The following LDHB variants were observed in gnomAD, a reference collection of about 807,000 sequenced individuals.
The protein encoded by LDHB is L-lactate dehydrogenase B chain.
LDHB carries 18 observed loss-of-function variants against 33.4 expected under a neutral mutation model. The ratio of observed to expected loss-of-function variants is 0.54; its 90% CI spans 0.37 to 0.80. LDHB has a LOEUF of 0.80. Among genes scored for constraint, LDHB ranks in the 30% least tolerant of loss-of-function variants. The probability of loss-of-function intolerance (pLI) is 0.00; values close to 1 mark genes in which losing one functional copy is unlikely to be tolerated. For synonymous variants in LDHB, 121 were observed against 140.6 expected (o/e 0.86, Z 0.98); for missense variants, 345 against 407.9 (o/e 0.85, Z 1.33).
At chr12:21,650,864 AAAC>A (rs1030280526) in intron 2 of LDHB, among the ~76,000 whole-genome samples, 3 of 152,260 alleles carry the variant, frequency 2.0e-5, no homozygotes, top group African/African-American at 7.2e-5. Context: ...GGAATTAAAC[AAAC>A]AACAAATCAG....
intron 5 of LDHB, among the ~76,000 whole-genome samples, chr12:21,639,036 A>G (rs1235190774): frequency 1.3e-5 from 2 of 151,932 alleles, no homozygotes; most frequent in Non-Finnish European, 2.9e-5. Flanking sequence ...TTTCTTGGAG[A>G]CCTTTGGAGG....
At chr12:21,636,992 G>T in intron 7 of LDHB, 79 bp downstream of exon 7, 1 of 1,166,300 alleles carries the variant, frequency 8.6e-7, no homozygotes, top group Non-Finnish European at 1.3e-6. Flanking sequence ...ATTTTATCTG[G>T]TCTGAGCCTC....
At chr12:21,647,340 A>G (rs897275664) in intron 2 of LDHB, among the ~76,000 whole-genome samples, 1 of 152,188 alleles carries the variant, frequency 6.6e-6, no homozygotes, top group African/African-American at 2.4e-5. Flanking sequence ...CAATGTGTCC[A>G]TCCTTGAGGT....
intron 7 of LDHB, among the ~76,000 whole-genome samples, chr12:21,636,164 TGA>T (rs1205703289): frequency 6.6e-6 from 1 of 152,114 alleles, no homozygotes; most frequent in Non-Finnish European, 1.5e-5. Flanking sequence ...TTTTGATATA[TGA>T]GTCTTCAAAT....
Position 21,654,546 on chromosome 12 carries a change from T to G in LDHB, c.126A>C (p.Gly42=). 6.2e-7 allele frequency: 1 copy of G among 1,614,116 alleles called. No individual in the cohort carries two copies. The change falls in exon 2 of 8, where the codon GGA becomes GGC. Residue 42 remains glycine (G), a synonymous_variant. Transcript: ENST00000350669. ...VGMACAISIL[G]KSLADELALV... The stretch of plus-strand genomic sequence containing the variant: ...CTATGGTGTTCTTGAAATGTACCTT[T>G]CCCAGAATGCTGATAGCACACGCCA...
rs866910048 is a variant in LDHB at position 21,646,897 on chromosome 12, A to G, written c.247+2T>C. On this transcript the variant is annotated splice_donor_variant, in intron 3 of 7. Coordinates refer to ENST00000350669, the MANE Select transcript of LDHB (RefSeq NM_002300.8). LOFTEE classifies it high-confidence loss of function. ...ATCACTTTGGGCATTAAGTGAAATT[A>G]CCTTTATCTGCCACAATTTTAGGTG... is the stretch of plus-strand genomic sequence containing the variant. 6.4e-7 allele frequency: 1 copy of G among 1,569,740 alleles called. No homozygotes were observed.
chr12:21,656,673 G>A (rs1938854238), intron 1 of LDHB, among the ~76,000 whole-genome samples: 1 of 152,194 alleles, frequency 6.6e-6, no homozygotes. Context: ...AGATATTTCT[G>A]GAGAAAGTGC....
intron 2 of LDHB, among the ~76,000 whole-genome samples, chr12:21,652,966 C>T (rs1938736842): frequency 6.6e-6 from 1 of 152,136 alleles, no homozygotes; most frequent in South Asian, 2.1e-4. Flanking sequence ...AGGGGTTATT[C>T]AGGCAGCCTT....
intron 1 of LDHB, chr12:21,657,318 A>G (rs1938881385): frequency 6.6e-6 from 1 of 152,112 alleles, no homozygotes. Flanking sequence ...GCATTTCTCT[A>G]TTACCGTGGC....
At chr12:21,650,501 G>A (rs1327455195) in intron 2 of LDHB, among the ~76,000 whole-genome samples, 1 of 152,152 alleles carries the variant, frequency 6.6e-6, no homozygotes, top group East Asian at 1.9e-4. Flanking sequence ...GTTGACTGAA[G>A]CAAAGATAAA....
At chr12:21,655,569 C>G (rs1227830246) in intron 1 of LDHB, among the ~76,000 whole-genome samples, 2 of 152,156 alleles carry the variant, frequency 1.3e-5, no homozygotes, top group East Asian at 3.8e-4. Context: ...TATTCAAAGT[C>G]TGCAAAAATA....
intron 2 of LDHB, 41 bp from the exon 3 acceptor site, chr12:21,647,057 T>C (rs1938547090): frequency 3.4e-6 from 4 of 1,164,972 alleles, no homozygotes; most frequent in Non-Finnish European, 5.2e-6. Context: ...TAAGCCACTC[T>C]AGGATGCGTC....
intron 6 of LDHB, 151 bp from the exon 7 acceptor site, chr12:21,637,345 G>C: frequency 1.6e-6 from 1 of 629,710 alleles, no homozygotes. Context: ...AGTGTTAAAT[G>C]AATTAATATA....
chr12:21,641,956 T>G lies in LDHB; in HGVS notation c.591A>C (p.Ser197=), dbSNP rs763022253. Residue 197 remains serine (S), a synonymous_variant, in exon 5 of 8, where the codon TCA becomes TCC. Coordinates refer to ENST00000350669, the MANE Select transcript of LDHB (RefSeq NM_002300.8). ...HGWILGEHGD[S]SVAVWSGVNV... is the part of the protein sequence containing the mutation. ...ATTTCTTTTTTTTTTCTTTACCACT[T>G]GAGTCGCCATGTTCCCCCAAAATCC... 6.2e-7 allele frequency: 1 copy of G among 1,611,808 alleles called. No individual in the cohort carries two copies. Among genetic ancestry groups the G allele is most frequent in the Non-Finnish European group, 8.5e-7 (1 of 1,178,892 alleles).
chr12:21,646,882 G>T lies in LDHB; in HGVS notation c.247+17C>A. ...TGAAAAAAATATTAGATCACTTTGG[G>T]CATTAAGTGAAATTACCTTTATCTG... On this transcript the variant is annotated intron_variant, in intron 3 of 7. Transcript: ENST00000350669. 2 of 1,387,866 alleles carry T rather than the reference G, an allele frequency of 1.4e-6. No homozygotes were observed. Among genetic ancestry groups the T allele is most frequent in the Non-Finnish European group, 2.1e-6 (2 of 973,768 alleles). The allele number at this position is 1,387,866 out of a possible 1,614,324, so 86.0% of individuals were successfully genotyped here.
chr12:21,647,458 C>G (rs889598133), intron 2 of LDHB, among the ~76,000 whole-genome samples: 1 of 151,504 alleles, frequency 6.6e-6, no homozygotes, highest in Non-Finnish European at 1.5e-5. Flanking sequence ...TTGGAATCTT[C>G]AGGGTGGCTC....
chr12:21,653,265 T>C (rs944251711), intron 2 of LDHB, among the ~76,000 whole-genome samples: 1 of 152,224 alleles, frequency 6.6e-6, no homozygotes, highest in Admixed American at 6.5e-5. Context: ...CTGATGTTGA[T>C]AATTGCACTG....
At chr12:21,647,864 T>G (rs891475404) in intron 2 of LDHB, among the ~76,000 whole-genome samples, 1 of 151,990 alleles carries the variant, frequency 6.6e-6, no homozygotes, top group Non-Finnish European at 1.5e-5. Context: ...ACCCAGCTAA[T>G]TTTTGTATTT....
chr12:21,649,708 A>C (rs1408271495), intron 2 of LDHB, among the ~76,000 whole-genome samples: 1 of 152,120 alleles, frequency 6.6e-6, no homozygotes, highest in Admixed American at 6.5e-5. Context: ...TCCTGTGTGG[A>C]CCAGACACAG....
Sources: allele counts gnomAD v4.1 joint callset (sites outside exome capture counted in the v4.1 genomes callset), GRCh38; gene constraint gnomAD v4.1.1; transcripts MANE v1.5; gene names NCBI Gene and HGNC (gene_info 2026-07-23, HGNC 2026-07-21).